Variants in ATP6V1A observed in about 807,000 individuals in gnomAD.
The protein encoded by ATP6V1A is V-type proton ATPase catalytic subunit A.
Under a neutral mutation model 70.1 loss-of-function variants are expected in ATP6V1A, and 18 were observed. That is an observed-to-expected ratio of 0.26 (90% CI 0.18 to 0.38). The LOEUF is 0.38. ATP6V1A is among the 10% of genes least tolerant of loss of function. The pLI is 1.00. For synonymous variants in ATP6V1A, 232 were observed against 253.8 expected (o/e 0.91, Z 0.82); for missense variants, 424 against 772.4 (o/e 0.55, Z 5.35).
chr3:113,759,767 T>G (rs1395346136), intron 1 of ATP6V1A, among the ~76,000 whole-genome samples: 1 of 152,190 alleles, frequency 6.6e-6, no homozygotes, highest in African/African-American at 2.4e-5. Flanking sequence ...AAGGGTTTTA[T>G]CAGTTTTCAC....
chr3:113,760,015 A>G (rs1345941731), intron 1 of ATP6V1A, among the ~76,000 whole-genome samples: 1 of 152,230 alleles, frequency 6.6e-6, no homozygotes, highest in African/African-American at 2.4e-5. Flanking sequence ...AAGAAGCAAT[A>G]TTAGAGACCT....
At chr3:113,797,839 G>A (rs1709169806) in intron 11 of ATP6V1A, among the ~76,000 whole-genome samples, 1 of 152,108 alleles carries the variant, frequency 6.6e-6, no homozygotes, top group Non-Finnish European at 1.5e-5. Context: ...CCAGTGAATT[G>A]TAGAATTGCA....
At chr3:113,760,140 T>C (rs1263831423) in intron 1 of ATP6V1A, among the ~76,000 whole-genome samples, 1 of 152,252 alleles carries the variant, frequency 6.6e-6, no homozygotes, top group Non-Finnish European at 1.5e-5. Flanking sequence ...AATCATAGTA[T>C]ACTAGGTAAA....
intron 13 of ATP6V1A, 61 bp from the exon 14 acceptor site, chr3:113,805,293 A>G (rs995023441): frequency 1.5e-5 from 22 of 1,495,928 alleles, no homozygotes; most frequent in Non-Finnish European, 2.0e-5. Flanking sequence ...AGTTTTATAT[A>G]AAGTATGAAC....
chr3:113,797,010 A>G (rs1709158990), intron 11 of ATP6V1A, among the ~76,000 whole-genome samples: 1 of 152,172 alleles, frequency 6.6e-6, no homozygotes, highest in African/African-American at 2.4e-5. Context: ...AACTTAGCTC[A>G]CTGCAACCTC....
chr3:113,805,556 A>T, intron 14 of ATP6V1A, 31 bp downstream of exon 14: 1 of 1,561,186 alleles, frequency 6.4e-7, no homozygotes. Context: ...AACTTTTTTT[A>T]TTTGGAAATG....
intron 1 of ATP6V1A, among the ~76,000 whole-genome samples, chr3:113,772,075 C>A (rs941583185): frequency 1.3e-5 from 2 of 152,192 alleles, no homozygotes; most frequent in African/African-American, 4.8e-5. Context: ...TCCCTCAGAG[C>A]CTCAGTTACC....
At chr3:113,804,697 C>G (rs892212701) in intron 13 of ATP6V1A, among the ~76,000 whole-genome samples, 4 of 152,150 alleles carry the variant, frequency 2.6e-5, no homozygotes, top group Non-Finnish European at 5.9e-5. Flanking sequence ...ACCACCTACA[C>G]AAAGATAACA....
chr3:113,776,172 A>G (rs1357543894), intron 1 of ATP6V1A, among the ~76,000 whole-genome samples: 2 of 152,076 alleles, frequency 1.3e-5, no homozygotes, highest in Non-Finnish European at 2.9e-5. Context: ...CAATCTGGGC[A>G]ACATGGTGAA....
intron 1 of ATP6V1A, among the ~76,000 whole-genome samples, chr3:113,770,053 ATTT>A (rs1433349326): frequency 7.3e-5 from 11 of 151,152 alleles, no homozygotes; most frequent in Admixed American, 2.0e-4. Context: ...TTATTTATTT[ATTT>A]ATTTATTTAT....
At chr3:113,761,441 TA>T (rs1288816236) in intron 1 of ATP6V1A, among the ~76,000 whole-genome samples, 3 of 152,006 alleles carry the variant, frequency 2.0e-5, no homozygotes, top group African/African-American at 7.2e-5. Context: ...TGTAAAGTTT[TA>T]AAAATAAGTT....
chr3:113,771,436 T>A (rs1261434522), intron 1 of ATP6V1A, among the ~76,000 whole-genome samples: 2 of 22,132 alleles, frequency 9.0e-5, no homozygotes, highest in Non-Finnish European at 4.5e-4. Flanking sequence ...TCTCTTTTTT[T>A]TTTTTTTTTT....
At chr3:113,778,209 C>A (rs764771722) in intron 1 of ATP6V1A, among the ~76,000 whole-genome samples, 21 of 152,072 alleles carry the variant, frequency 1.4e-4, no homozygotes, top group African/African-American at 5.1e-4. Flanking sequence ...GCCTGGCCAA[C>A]GTGGCAAAAC....
At chr3:113,768,592 CTTTT>C (rs34915547) in intron 1 of ATP6V1A, among the ~76,000 whole-genome samples, 2 of 103,402 alleles carry the variant, frequency 1.9e-5, no homozygotes, top group African/African-American at 3.5e-5. Flanking sequence ...TAGCCTGTAT[CTTTT>C]TTTTTTTTTT....
In ATP6V1A at chr3:113,809,348, A is replaced by G; in HGVS notation, c.1775A>G (p.Asp592Gly). Residue 592 changes from aspartate to glycine, a missense_variant, in exon 15 of 15, where the codon GAT (aspartate) becomes GGT (glycine). Around this residue, in one of 9 missense-constraint regions of ATP6V1A, gnomAD observed 127 missense variants for 207.9 expected, o/e 0.61. Transcript: ENST00000273398. ...SSMKFKDPLKDGEAKIKSDYA... is the reference protein window; with the variant it reads ...SSMKFKDPLKGGEAKIKSDYA... ...GTCTTCTTTCAGGATCCACTGAAAGATGGTGAGGCAAAGATCAAAAGCGAC... is the reference window on the plus strand; with the variant it reads ...GTCTTCTTTCAGGATCCACTGAAAGGTGGTGAGGCAAAGATCAAAAGCGAC... 6.2e-7 allele frequency: 1 copy of G among 1,602,144 alleles called. No individual in the cohort carries two copies. Among genetic ancestry groups the G allele is most frequent in the South Asian group, 1.1e-5 (1 of 90,736 alleles).
intron 8 of ATP6V1A, among the ~76,000 whole-genome samples, chr3:113,792,238 T>C (rs544505265): frequency 3.9e-4 from 60 of 152,360 alleles, no homozygotes; most frequent in African/African-American, 1.4e-3. Flanking sequence ...TGGTGGACTA[T>C]TGGATTCTTT....
Position 113,798,457 on chromosome 3 carries a change from A to G in ATP6V1A, c.1494+11A>G. 6.2e-7 allele frequency: 1 copy of G among 1,613,254 alleles called. No homozygotes were observed. The highest frequency in any genetic ancestry group is 8.5e-7 in the Non-Finnish European group (1 of 1,179,552). On this transcript the variant is annotated intron_variant, in intron 12 of 14. Coordinates refer to ENST00000273398, the MANE Select transcript of ATP6V1A (RefSeq NM_001690.4). ...CAGCTTGTGGGAAAGGTGAGTTGTT[A>G]AATTCCATGGAAGATAGATCTGTGG...
intron 12 of ATP6V1A, among the ~76,000 whole-genome samples, chr3:113,801,453 G>A (rs1274796927): frequency 6.6e-6 from 1 of 152,180 alleles, no homozygotes; most frequent in African/African-American, 2.4e-5. Flanking sequence ...GCCCAGTGTT[G>A]TGGGGACAGA....
At chr3:113,791,287 AAAC>A (rs1709089151) in intron 8 of ATP6V1A, among the ~76,000 whole-genome samples, 1 of 152,024 alleles carries the variant, frequency 6.6e-6, no homozygotes, top group African/African-American at 2.4e-5. Context: ...GCTTCTAATG[AAAC>A]CTTCACTTCT....
Sources: allele counts gnomAD v4.1 joint callset (sites outside exome capture counted in the v4.1 genomes callset), GRCh38; gene constraint gnomAD v4.1.1; regional missense constraint gnomAD v4.1.1; transcripts MANE v1.5; gene names NCBI Gene and HGNC (gene_info 2026-07-23, HGNC 2026-07-21).